The following TUBE1 variants were observed in gnomAD, a reference collection of about 807,000 sequenced individuals.
TUBE1 encodes the protein tubulin epsilon chain.
In TUBE1, 34 loss-of-function variants were observed where a neutral mutation model predicts 53.5. That is an observed-to-expected ratio of 0.64 (90% CI 0.48 to 0.85). TUBE1 has a LOEUF of 0.85. Among genes scored for constraint, TUBE1 ranks in the 40% least tolerant of loss-of-function variants. The pLI is 0.00. For missense variants in TUBE1, 532 were observed against 570.5 expected, an observed-to-expected ratio of 0.93 and a Z score of 0.69; for synonymous variants, 177 against 198.4, an observed-to-expected ratio of 0.89 and a Z score of 0.91.
At position 112,087,408 on chromosome 6, in the gene TUBE1, A is replaced by G; in HGVS notation, c.25+2T>C. ...GGTCTCTACCCGCCCGGCGTAGCTTACCCTGTACGACCACCGACTGGGTCA... is the reference window on the plus strand; with the variant it reads ...GGTCTCTACCCGCCCGGCGTAGCTTGCCCTGTACGACCACCGACTGGGTCA... On this transcript the variant is annotated splice_donor_variant, in intron 1 of 11. Transcript: ENST00000368662. LOFTEE classifies it high-confidence loss of function. 1 of 1,550,466 alleles carries G rather than the reference A, an allele frequency of 6.4e-7. No individual in the cohort carries two copies. Among genetic ancestry groups the G allele is most frequent in the Non-Finnish European group, 8.7e-7 (1 of 1,146,612 alleles).
Position 112,076,443 on chromosome 6 carries a change from C to G in TUBE1, c.515G>C (p.Arg172Thr), listed in dbSNP as rs180992381. The change falls in exon 7 of 12, where the codon AGA becomes ACA. Residue 172 changes from arginine (R) to threonine (T), a missense_variant. Arg to Thr is a moderately conservative substitution (Grantham distance 71). Transcript: ENST00000368662. ...VLEDEFPEVYRFVTSIYPSGE... is the reference protein window; with the variant it reads ...VLEDEFPEVYTFVTSIYPSGE... ...AGAAGGATAAATGGAAGTCACAAAT[C>G]TGTATACTTCTGGGAATTCGTCTTC... The G allele has an allele frequency of 6.2e-6, 10 of 1,613,484 alleles. No individual in the cohort carries two copies. In the African/African-American group the frequency reaches 1.3e-4, roughly 22 times the overall value.
chr6:112,079,561 G>A (rs1366183394), intron 6 of TUBE1, 72 bp downstream of exon 6: 11 of 1,519,642 alleles, frequency 7.2e-6, no homozygotes, highest in Non-Finnish European at 8.1e-6. Flanking sequence ...CTAAAAACAA[G>A]ACTTACGTTT....
intron 10 of TUBE1, among the ~76,000 whole-genome samples, chr6:112,072,536 C>A (rs1776886492): frequency 1.3e-5 from 2 of 151,962 alleles, no homozygotes; most frequent in Admixed American, 1.3e-4. Context: ...TAAAATAAAA[C>A]ATGTCATATA....
At chr6:112,073,339 G>C (rs587680152) in intron 9 of TUBE1, among the ~76,000 whole-genome samples, 13 of 152,174 alleles carry the variant, frequency 8.5e-5, no homozygotes, top group African/African-American at 3.1e-4. Context: ...CATAAATTTT[G>C]TTAACAGGAG....
At position 112,076,130 on chromosome 6, in the gene TUBE1, T is replaced by C. The variant is rs782164583; in HGVS notation, c.637-18A>G. On this transcript the variant is annotated intron_variant, in intron 7 of 11. Transcript: ENST00000368662. ...AATAAAGACTTTTGAGGGAAAAACA[T>C]TGGGAGAGAAGCTATTAAGAAGAGT... 7.2e-5 allele frequency: 115 copies of C among 1,603,598 alleles called. No homozygotes were observed. The highest frequency in any genetic ancestry group is 2.9e-4 in the East Asian group (13 of 44,718).
At chr6:112,086,810 G>A in intron 2 of TUBE1, 2 of 529,764 alleles carry the variant, frequency 3.8e-6, no homozygotes, top group Non-Finnish European at 3.3e-6. Flanking sequence ...AAGTTCAGCA[G>A]GGGGTGCTAA....
intron 2 of TUBE1, 178 bp downstream of exon 2, chr6:112,087,055 G>T (rs1050880090): frequency 8.1e-6 from 5 of 620,908 alleles, no homozygotes. Flanking sequence ...TCGCTGGCCA[G>T]TGTTCTTTTA....
intron 3 of TUBE1, chr6:112,085,500 G>A (rs1402181987): frequency 2.8e-6 from 1 of 363,146 alleles, no homozygotes; most frequent in African/African-American, 2.1e-5. Context: ...GGTGGGTGTA[G>A]GAACTTAGCA....
At chr6:112,073,122 G>A (rs1170573072) in intron 9 of TUBE1, among the ~76,000 whole-genome samples, 2 of 132,842 alleles carry the variant, frequency 1.5e-5, no homozygotes, top group Admixed American at 7.0e-5. Context: ...TTTTTCTGGG[G>A]GAAAAGGCTT....
At chr6:112,075,039 C>CACACAACA (rs1554315832) in intron 8 of TUBE1, 189 bp from the exon 9 acceptor site, 1 of 306,776 alleles carries the variant, frequency 3.3e-6, no homozygotes, top group African/African-American at 2.2e-5. Flanking sequence ...TAAAATATAA[C>CACACAACA]ACACAACATC....
At position 112,086,563 on chromosome 6, in the gene TUBE1, C is replaced by T; in HGVS notation, c.145G>A (p.Asp49Asn). ...EAISSFFRNV[D>N]TRVVGDGGSI... ...ACTTTAATCCCATCTTACCTGGTGT[C>T]CACATTTCTAAAGAAGCTGCTTATT... Residue 49 changes from aspartate (D) to asparagine (N), a missense_variant, in exon 3 of 12, where the codon GAC becomes AAC. Coordinates refer to ENST00000368662, the MANE Select transcript of TUBE1 (RefSeq NM_016262.5). The T allele has an allele frequency of 6.2e-7, 1 of 1,612,588 alleles. No homozygotes were observed. The highest frequency in any genetic ancestry group is 8.5e-7 in the Non-Finnish European group (1 of 1,178,848).
At position 112,081,208 on chromosome 6, in the gene TUBE1, CT is replaced by C. The variant is rs782037988; in HGVS notation, c.211-2del. 7.2e-6 allele frequency: 11 copies of C among 1,522,616 alleles called. No homozygotes were observed. The Admixed American group carries it at 2.0e-4, about 27-fold the overall frequency. The allele number at this position is 1,522,616 out of a possible 1,614,324, so 94.3% of individuals were successfully genotyped here. A position where few individuals can be genotyped will look rare whatever the true frequency, so the allele number is the denominator to read the frequency against. On this transcript the variant is annotated splice_acceptor_variant, in intron 4 of 11. Transcript: ENST00000368662. LOFTEE classifies it high-confidence loss of function. ...CTTCTTCCATATCAATCAAGACTGCCTGAGAAAGAAAAATAAAATATAATTA... is the reference window on the plus strand; with the variant it reads ...CTTCTTCCATATCAATCAAGACTGCCGAGAAAGAAAAATAAAATATAATTA...
intron 9 of TUBE1, among the ~76,000 whole-genome samples, chr6:112,074,254 G>A (rs1339909859): frequency 6.6e-6 from 1 of 151,916 alleles, no homozygotes; most frequent in African/African-American, 2.4e-5. Context: ...AGGTGTTCTG[G>A]AAAACATACA....
At chr6:112,084,315 G>T (rs1777116385) in intron 3 of TUBE1, 69 bp from the exon 4 acceptor site, 3 of 1,282,836 alleles carry the variant, frequency 2.3e-6, no homozygotes, top group Non-Finnish European at 3.4e-6. Flanking sequence ...AGGTGATAAA[G>T]TTAACTTCCA....
chr6:112,076,013 C>G lies in TUBE1; in HGVS notation c.736G>C (p.Ala246Pro). The change falls in exon 8 of 12, where the codon GCT becomes CCT. Residue 246 changes from alanine to proline, a missense_variant. By Grantham distance (27) the Ala-to-Pro change is conservative. Transcript: ENST00000368662. The stretch of plus-strand genomic sequence containing the variant: ...GGCTTCTTATGCTGCTTTTTTAAAG[C>G]CCCAGAACTTGAAGTAACCAGACTC... ...PKSLVTSSSG[A>P]LKKQHKKPFD... is the part of the protein sequence containing the mutation. 6.2e-7 allele frequency: 1 copy of G among 1,613,822 alleles called. No homozygotes were observed. Among genetic ancestry groups the G allele is most frequent in the Non-Finnish European group, 8.5e-7 (1 of 1,179,884 alleles).
chr6:112,080,133 A>G (rs1228716003), intron 5 of TUBE1, among the ~76,000 whole-genome samples: 1 of 152,078 alleles, frequency 6.6e-6, no homozygotes, highest in African/African-American at 2.4e-5. Context: ...TTTACATACT[A>G]AAAAGCAAAA....
intron 6 of TUBE1, 21 bp from the exon 7 acceptor site, chr6:112,076,530 A>T (rs782767999): frequency 3.9e-6 from 6 of 1,550,004 alleles, no homozygotes; most frequent in African/African-American, 1.4e-5. Context: ...AAGTGTTTTT[A>T]AAAATTAGCA....
At chr6:112,075,528 C>T (rs782574471) in intron 8 of TUBE1, 1 of 154,296 alleles carries the variant, frequency 6.5e-6, no homozygotes, top group African/African-American at 2.4e-5. Flanking sequence ...GCTTAATATA[C>T]TCTATAATCT....
intron 2 of TUBE1, 118 bp from the exon 3 acceptor site, chr6:112,086,726 C>A (rs1583600463): frequency 3.1e-6 from 2 of 648,618 alleles, no homozygotes. Flanking sequence ...ATAAGAAAAA[C>A]CAAGTATCAC....
Sources: gnomAD v4.1 joint callset for allele counts (sites outside exome capture counted in the v4.1 genomes callset) on GRCh38, gnomAD v4.1.1 for gene constraint, MANE v1.5 for transcripts, NCBI Gene and HGNC (gene_info 2026-07-23, HGNC 2026-07-21) for gene names.